Variants in CELF2 observed in about 807,000 individuals in gnomAD.
CELF2 encodes the protein CUG triplet repeat RNA-binding protein 2.
A neutral mutation model predicts 62.6 loss-of-function variants in CELF2; 8 were observed. The ratio of observed to expected loss-of-function variants is 0.13; its 90% CI spans 0.07 to 0.23. CELF2 has a LOEUF of 0.23. Ranked by LOEUF, CELF2 falls within the 10% of genes least tolerant of loss-of-function variation. The pLI is 1.00. For synonymous variants in CELF2, 258 were observed against 250.0 expected, an observed-to-expected ratio of 1.03 and a Z score of -0.30; for missense variants, 333 against 671.0, an observed-to-expected ratio of 0.50 and a Z score of 5.56.
chr10:11,118,742 G>C (rs1338238578), intron 1 of CELF2, among the ~76,000 whole-genome samples: 1 of 152,138 alleles, frequency 6.6e-6, no homozygotes, highest in Non-Finnish European at 1.5e-5. Flanking sequence ...AGCTCATCCT[G>C]TACAAGGATG....
the CELF2 span, among the ~76,000 whole-genome samples, chr10:10,741,382 G>C: frequency 2.0e-5 from 3 of 150,762 alleles, no homozygotes; most frequent in East Asian, 5.9e-4. Context: ...GTGGTGGTGG[G>C]CACCTGTAGT....
the CELF2 span, among the ~76,000 whole-genome samples, chr10:10,689,973 T>C: frequency 6.6e-6 from 1 of 152,340 alleles, no homozygotes; most frequent in African/African-American, 2.4e-5. Flanking sequence ...GAGACTCCAG[T>C]GGCAGGTTTC....
intron 1 of CELF2, among the ~76,000 whole-genome samples, chr10:11,041,303 A>T (rs1360567203): frequency 6.6e-6 from 1 of 152,150 alleles, no homozygotes; most frequent in African/African-American, 2.4e-5. Flanking sequence ...TCAGTCCATG[A>T]TAAACAGTGG....
At chr10:10,467,143 C>CT in the CELF2 span, among the ~76,000 whole-genome samples, 9 of 152,004 alleles carry the variant, frequency 5.9e-5, no homozygotes, top group Admixed American at 2.6e-4. Flanking sequence ...ACGGTTCATA[C>CT]TTTTTTGTGT....
At chr10:10,462,708 G>A in the CELF2 span, among the ~76,000 whole-genome samples, 2 of 142,702 alleles carry the variant, frequency 1.4e-5, no homozygotes, top group Admixed American at 7.6e-5. Flanking sequence ...CTTCCCTGCC[G>A]TGAGGGGTTA....
At chr10:10,660,258 T>C in the CELF2 span, among the ~76,000 whole-genome samples, 1 of 152,254 alleles carries the variant, frequency 6.6e-6, no homozygotes, top group Admixed American at 6.5e-5. Flanking sequence ...CTATGTATGA[T>C]GTCATAGCAA....
the CELF2 span, among the ~76,000 whole-genome samples, chr10:10,499,844 C>T: frequency 6.6e-6 from 1 of 152,178 alleles, no homozygotes; most frequent in African/African-American, 2.4e-5. Context: ...TGCCACTGCA[C>T]TCCAGCTTGG....
the CELF2 span, among the ~76,000 whole-genome samples, chr10:10,516,734 TA>T: frequency 8.9e-4 from 125 of 141,172 alleles, no homozygotes; most frequent in Non-Finnish European, 8.6e-4. Flanking sequence ...TCAGCATCAT[TA>T]AAAAAAAAAA....
the CELF2 span, among the ~76,000 whole-genome samples, chr10:10,783,960 C>T: frequency 6.6e-6 from 1 of 152,042 alleles, no homozygotes; most frequent in Non-Finnish European, 1.5e-5. Flanking sequence ...TGCACTCTAG[C>T]CTGGTGGCAG....
the CELF2 span, among the ~76,000 whole-genome samples, chr10:10,563,266 G>T: frequency 6.6e-6 from 1 of 152,114 alleles, no homozygotes; most frequent in Non-Finnish European, 1.5e-5. Flanking sequence ...CCTGGGCAAG[G>T]GGTAGGGTGG....
chr10:11,282,955 A>G (rs1407646701), intron 8 of CELF2, among the ~76,000 whole-genome samples: 1 of 152,202 alleles, frequency 6.6e-6, no homozygotes, highest in East Asian at 1.9e-4. Flanking sequence ...TCTTTAAGAC[A>G]TGGGGTCTCA....
At chr10:11,092,769 T>G (rs932080203) in intron 1 of CELF2, among the ~76,000 whole-genome samples, 1 of 152,220 alleles carries the variant, frequency 6.6e-6, no homozygotes, top group African/African-American at 2.4e-5. Flanking sequence ...AGTGGCCCTC[T>G]TGCCTGTGCT....
chr10:10,536,278 A>C, the CELF2 span, among the ~76,000 whole-genome samples: 1 of 152,146 alleles, frequency 6.6e-6, no homozygotes. Context: ...TTGGCCTCCC[A>C]ATGTGTTGGG....
chr10:10,503,426 G>T, the CELF2 span, among the ~76,000 whole-genome samples: 1 of 151,908 alleles, frequency 6.6e-6, no homozygotes, highest in African/African-American at 2.4e-5. Context: ...TACACACTTA[G>T]GATTGTTATA....
chr10:11,148,552 G>T (rs1485104754), intron 1 of CELF2, among the ~76,000 whole-genome samples: 3 of 152,166 alleles, frequency 2.0e-5, no homozygotes, highest in African/African-American at 7.2e-5. Context: ...CTGTCTGCTG[G>T]CAAGGCGATC....
At chr10:10,969,779 A>G (rs1416277592) in intron 2 of CELF2, among the ~76,000 whole-genome samples, 1 of 152,236 alleles carries the variant, frequency 6.6e-6, no homozygotes, top group Non-Finnish European at 1.5e-5. Context: ...AGCCTTTCCC[A>G]CATAAACGAA....
chr10:11,244,820 C>G lies in CELF2; in HGVS notation c.355-4333C>G, dbSNP rs1043420355. 6.6e-6 allele frequency among the ~76,000 whole-genome samples: 1 copy of G among 152,182 alleles called. No individual in the cohort carries two copies. Among genetic ancestry groups the G allele is most frequent in the Non-Finnish European group, 1.5e-5 (1 of 68,036 alleles). ...CCCTGAAATGTCCTTTCCACATCTT[C>G]CGGTTAACATGAGGATTGCTTTGAG... On this transcript the variant is annotated intron_variant, in intron 3 of 12. Coordinates refer to ENST00000633077, the MANE Select transcript of CELF2 (RefSeq NM_001326342.2). This position sits in a 1 kb window ranked among gnomAD's most constrained non-coding sequence, Gnocchi z 4.2.
chr10:10,817,687 G>C lies in CELF2; in HGVS notation c.53+18870G>C, dbSNP rs568862074. On this transcript the variant is annotated intron_variant, in intron 1 of 13. Transcript: ENST00000636488. ...TTATGGCTGAATAGTACTCCATTGT[G>C]TATACGTACCACATTTTCTTTATCC... is the stretch of plus-strand genomic sequence containing the variant. Among the ~76,000 whole-genome samples, 3 of 152,268 alleles carry C rather than the reference G, an allele frequency of 2.0e-5. No homozygotes were observed. The East Asian group carries it at 5.8e-4, about 29-fold the overall frequency.
intron 1 of CELF2, among the ~76,000 whole-genome samples, chr10:10,804,542 C>T (rs1411768903): frequency 6.6e-6 from 1 of 152,162 alleles, no homozygotes; most frequent in Non-Finnish European, 1.5e-5. Context: ...TTTCAAAGGT[C>T]AGAGATGTTT....
Sources: gnomAD v4.1 joint callset for allele counts (sites outside exome capture counted in the v4.1 genomes callset) on GRCh38, gnomAD v4.1.1 for gene constraint, Gnocchi (gnomAD v3.1) non-coding constraint, MANE v1.5 for transcripts, NCBI Gene and HGNC (gene_info 2026-07-23, HGNC 2026-07-21) for gene names.